Variants in TIAM2 observed in about 807,000 individuals in gnomAD.
TIAM2 encodes the protein TIAM Rac1 associated GEF 2.
Under a neutral mutation model 152.9 loss-of-function variants are expected in TIAM2, and 80 were observed. The observed-to-expected ratio is 0.52, with a 90% CI of 0.44 to 0.63. The LOEUF is 0.63. Among genes scored for constraint, TIAM2 ranks in the 30% least tolerant of loss-of-function variants. The probability of loss-of-function intolerance (pLI) is 0.00; values close to 1 mark genes in which losing one functional copy is unlikely to be tolerated. For synonymous variants in TIAM2, 804 were observed against 838.0 expected (o/e 0.96, Z 0.70); for missense variants, 1,965 against 2,120.1 (o/e 0.93, Z 1.44).
chr6:155,100,925 C>A (rs1778536446), intron 2 of TIAM2, among the ~76,000 whole-genome samples: 1 of 152,152 alleles, frequency 6.6e-6, no homozygotes, highest in African/African-American at 2.4e-5. Flanking sequence ...GCCAGAGGGA[C>A]TCTAAATTGT....
At chr6:155,006,366 T>G (rs1778401948) in intron 1 of TIAM2, among the ~76,000 whole-genome samples, 1 of 151,990 alleles carries the variant, frequency 6.6e-6, no homozygotes, top group Non-Finnish European at 1.5e-5. Context: ...AAGGCACTTT[T>G]TTTTTTCAAA....
Position 155,234,737 on chromosome 6 carries a change from TG to T in TIAM2, c.3169-5788del, listed in dbSNP as rs1485093706. ...TGCTTTTAAAGCAGCATTCCTGGGGTGGGGGTGGAATAGGCTCAATAGATGT... is the reference window on the plus strand; with the variant it reads ...TGCTTTTAAAGCAGCATTCCTGGGGTGGGGTGGAATAGGCTCAATAGATGT... On this transcript the variant is annotated intron_variant, in intron 15 of 26. Coordinates refer to ENST00000682666, the MANE Select transcript of TIAM2 (RefSeq NM_012454.4). 2.6e-5 allele frequency among the ~76,000 whole-genome samples: 4 copies of T among 151,948 alleles called. No homozygotes were observed. The East Asian group carries it at 7.7e-4, about 29-fold the overall frequency.
intron 13 of TIAM2, 44 bp from the exon 14 acceptor site, chr6:155,183,193 G>A (rs1416550298): frequency 6.3e-7 from 1 of 1,593,640 alleles, no homozygotes; most frequent in Non-Finnish European, 8.6e-7. Context: ...ATTTCTCACA[G>A]TAATCCCTCT....
chr6:155,089,228 G>A (rs1362524726), intron 1 of TIAM2, among the ~76,000 whole-genome samples: 2 of 151,158 alleles, frequency 1.3e-5, no homozygotes, highest in African/African-American at 2.4e-5. Context: ...CGGGGGGGTG[G>A]GGGTGTGGGG....
intron 1 of TIAM2, among the ~76,000 whole-genome samples, chr6:155,082,586 G>A (rs1351498814): frequency 6.6e-6 from 1 of 151,592 alleles, no homozygotes; most frequent in Non-Finnish European, 1.5e-5. Flanking sequence ...GAAGGCGGAG[G>A]TTGCAGTGAG....
intron 1 of TIAM2, among the ~76,000 whole-genome samples, chr6:155,024,667 AG>A (rs1461057292): frequency 2.7e-5 from 4 of 147,422 alleles, no homozygotes; most frequent in African/African-American, 9.9e-5. Context: ...AAAAAAAAAA[AG>A]CAATTACTAT....
intron 14 of TIAM2, among the ~76,000 whole-genome samples, chr6:155,187,133 C>T (rs1208485640): frequency 3.3e-5 from 5 of 152,066 alleles, no homozygotes; most frequent in African/African-American, 4.8e-5. Flanking sequence ...AGCCCCCTGT[C>T]GAGCACTTAA....
In TIAM2 at chr6:155,257,395, A is replaced by G; in HGVS notation, c.*274A>G. 2.5e-6 allele frequency: 1 copy of G among 403,642 alleles called. No individual in the cohort carries two copies. The highest frequency in any genetic ancestry group is 4.4e-6 in the Non-Finnish European group (1 of 227,886). 25.0% of individuals were successfully genotyped at this position (403,642 alleles called of 1,614,324 possible). A position where few individuals can be genotyped will look rare whatever the true frequency, so the allele number is the denominator to read the frequency against. The stretch of plus-strand genomic sequence containing the variant: ...TTAGGATCCTTAAAATTACATTCTA[A>G]TAATTAAGTTATGTGGAAAAAGTAA... On this transcript the variant is annotated 3_prime_UTR_variant, in exon 27 of 27. Coordinates refer to ENST00000682666, the MANE Select transcript of TIAM2 (RefSeq NM_012454.4).
chr6:155,245,570 A>C, intron 18 of TIAM2, 53 bp from the exon 19 acceptor site: 2 of 1,441,036 alleles, frequency 1.4e-6, no homozygotes, highest in South Asian at 2.3e-5. Context: ...GCCATAAGCC[A>C]GCACGCATTG....
At chr6:155,220,041 A>G (rs1397641586) in intron 15 of TIAM2, among the ~76,000 whole-genome samples, 2 of 152,234 alleles carry the variant, frequency 1.3e-5, no homozygotes, top group African/African-American at 4.8e-5. Context: ...CTTTCTCGCC[A>G]TTTCTTGCAA....
At chr6:155,244,187 C>T in intron 17 of TIAM2, 108 bp downstream of exon 17, 1 of 1,086,050 alleles carries the variant, frequency 9.2e-7, no homozygotes, top group Non-Finnish European at 1.4e-6. Flanking sequence ...AAGAACATCC[C>T]AAGACTTAAC....
chr6:155,144,775 C>G lies in TIAM2; in HGVS notation c.1800C>G (p.Phe600Leu), dbSNP rs1409083783. The change falls in exon 6 of 27, where the codon TTC (phenylalanine) becomes TTG (leucine). Residue 600 changes from phenylalanine to leucine, a missense_variant. Physicochemically the swap from Phe to Leu is conservative, Grantham distance 22. Around this residue, in one of 3 missense-constraint regions of TIAM2, gnomAD observed 1,025 missense variants for 1,119.4 expected, o/e 0.92. Coordinates refer to ENST00000682666, the MANE Select transcript of TIAM2 (RefSeq NM_012454.4). ...ACTCCTTTGGAGATGTCTACCTTTT[C>G]CAGGTACTGCTGGTACTTTGTAAGT... ...LSNSFGDVYLFQATSQTDLEN... is the reference protein window; with the variant it reads ...LSNSFGDVYLLQATSQTDLEN... 5 of 1,607,770 alleles carry G rather than the reference C, an allele frequency of 3.1e-6. No individual in the cohort carries two copies. Among genetic ancestry groups the G allele is most frequent in the Non-Finnish European group, 4.2e-6 (5 of 1,177,948 alleles).
At chr6:155,244,199 G>A (rs1783197083) in intron 17 of TIAM2, 120 bp downstream of exon 17, 1 of 985,174 alleles carries the variant, frequency 1.0e-6, no homozygotes, top group Non-Finnish European at 1.6e-6. Context: ...AGACTTAACG[G>A]TCTTCTGAGA....
At chr6:155,239,993 G>A (rs1782952992) in intron 15 of TIAM2, among the ~76,000 whole-genome samples, 1 of 152,236 alleles carries the variant, frequency 6.6e-6, no homozygotes. Flanking sequence ...ACAAGACTGT[G>A]GAGCTGAGCG....
chr6:155,049,617 C>T (rs77915332), intron 1 of TIAM2, among the ~76,000 whole-genome samples: 1,763 of 152,176 alleles, frequency 0.012, 21 homozygotes, highest in African/African-American at 0.026. Context: ...TACATTTTAC[C>T]AGTCTGTTCT....
At chr6:155,065,738 C>T (rs1777679387) in intron 1 of TIAM2, among the ~76,000 whole-genome samples, 1 of 152,124 alleles carries the variant, frequency 6.6e-6, no homozygotes, top group South Asian at 2.1e-4. Flanking sequence ...CACTGCACTC[C>T]AGCTTGGGCA....
At chr6:154,996,960 G>A (rs1313731092) in intron 1 of TIAM2, among the ~76,000 whole-genome samples, 10 of 151,956 alleles carry the variant, frequency 6.6e-5, no homozygotes, top group Non-Finnish European at 2.9e-5. Flanking sequence ...GGCAAAACAC[G>A]CCCCTAATGA....
chr6:155,109,020 G>C (rs1037001320), intron 2 of TIAM2, among the ~76,000 whole-genome samples: 2 of 152,096 alleles, frequency 1.3e-5, no homozygotes, highest in Non-Finnish European at 2.9e-5. Context: ...GTCTCACTCT[G>C]TCGCCCAGGC....
At position 155,019,856 on chromosome 6, in the gene TIAM2, C is replaced by T. The variant is rs544015868; in HGVS notation, c.-209+24364C>T. On this transcript the variant is annotated intron_variant, in intron 1 of 26. Transcript: ENST00000682666. ...GATCACGAGGTCAAGAGATTGAGAC[C>T]ATCCTGGCCAACAAGGTAAAACCCC... Among the ~76,000 whole-genome samples the T allele has an allele frequency of 2.6e-5, 4 of 152,184 alleles. No individual in the cohort carries two copies. The East Asian group carries it at 5.8e-4, about 22-fold the overall frequency.
Sources: gnomAD v4.1 joint callset for allele counts (sites outside exome capture counted in the v4.1 genomes callset) on GRCh38, gnomAD v4.1.1 for gene constraint, gnomAD v4.1.1 regional missense constraint, MANE v1.5 for transcripts, NCBI Gene and HGNC (gene_info 2026-07-23, HGNC 2026-07-21) for gene names.